TBC1D16: variants seen among roughly 807,000 people sequenced by gnomAD.
The protein encoded by TBC1D16 is TBC1 domain family member 16, also known as CTD-2529O21.1.
Under a neutral mutation model 74.7 loss-of-function variants are expected in TBC1D16, and 58 were observed. That is an observed-to-expected ratio of 0.78 (90% confidence interval 0.63 to 0.97). The LOEUF (loss-of-function observed/expected upper bound fraction) is 0.97, where lower values mean the gene tolerates loss of function less well. Among genes scored for constraint, TBC1D16 ranks in the 50% least tolerant of loss-of-function variants. The probability of loss-of-function intolerance (pLI) is 0.00; values close to 1 mark genes in which losing one functional copy is unlikely to be tolerated. For synonymous variants in TBC1D16, 493 were observed against 474.7 expected (o/e 1.04, Z -0.50); for missense variants, 1,014 against 1,079.5 (o/e 0.94, Z 0.85).
intron 2 of TBC1D16, among the ~76,000 whole-genome samples, chr17:80,011,885 T>C (rs182997247): frequency 2.3e-3 from 354 of 151,978 alleles, no homozygotes; most frequent in African/African-American, 7.9e-3. Context: ...CAATCATCAG[T>C]GGCACTCATG....
intron 3 of TBC1D16, among the ~76,000 whole-genome samples, chr17:79,999,883 C>T (rs1210324646): frequency 1.3e-5 from 2 of 152,056 alleles, no homozygotes; most frequent in Non-Finnish European, 2.9e-5. Context: ...TCTTTTGTCT[C>T]TTTGGAAGCC....
rs1437705586 is a variant in TBC1D16 at position 80,035,735 on chromosome 17, G to C, written c.-63+60C>G. ...CAGCTCCGCCGAGGGGGCGCTGCTC[G>C]CTGCGCGGTGGACCCCTCGGACCCC... On this transcript the variant is annotated intron_variant, in intron 1 of 11. Coordinates refer to ENST00000310924, the MANE Select transcript of TBC1D16 (RefSeq NM_019020.4). This position sits in a 1 kb window ranked among gnomAD's most constrained non-coding sequence, Gnocchi z 5.3. 6.8e-6 allele frequency: 1 copy of C among 147,300 alleles called. No individual in the cohort carries two copies. The highest frequency in any genetic ancestry group is 1.5e-5 in the Non-Finnish European group (1 of 66,118). The allele number at this position is 147,300 out of a possible 1,614,324, so 9.1% of individuals were successfully genotyped here.
intron 2 of TBC1D16, among the ~76,000 whole-genome samples, chr17:80,012,736 G>C (rs2035939907): frequency 6.6e-6 from 1 of 152,150 alleles, no homozygotes; most frequent in Non-Finnish European, 1.5e-5. Context: ...TTGCCATCTT[G>C]TCTGGGACTT....
Position 79,949,730 on chromosome 17 carries a change from T to A in TBC1D16, c.1393A>T (p.Ile465Phe). Residue 465 changes from isoleucine (I) to phenylalanine (F), a missense_variant, in exon 7 of 12, where the codon ATC (isoleucine) becomes TTC (phenylalanine). Transcript: ENST00000310924. Reference protein sequence around the residue: ...RLQKRKEYSEIQQKRLSMTPE... With the variant: ...RLQKRKEYSEFQQKRLSMTPE... ...CCCGGCGGTTACCTTTTCTGCTGGA[T>A]CTCAGAGTACTCCTTTCGCTTCTGC... The A allele has an allele frequency of 6.2e-7, 1 of 1,611,592 alleles. No individual in the cohort carries two copies. The highest frequency in any genetic ancestry group is 1.1e-5 in the South Asian group (1 of 91,038).
rs1447320002 is a variant in TBC1D16 at position 79,944,220 on chromosome 17, T to C, written c.1908+688A>G. The C allele has an allele frequency of 2.2e-6, 3 of 1,390,678 alleles. No homozygotes were observed. Among genetic ancestry groups the C allele is most frequent in the Non-Finnish European group, 2.9e-6 (3 of 1,018,934 alleles). The allele number at this position is 1,390,678 out of a possible 1,614,324, so 86.1% of individuals were successfully genotyped here. A position where few individuals can be genotyped will look rare whatever the true frequency, so the allele number is the denominator to read the frequency against. ...AGGCTGCTGGAGCTGCCGTGGTGGA[T>C]AGAGCCAGCTCCTGCAAAAGGGTCC... On this transcript the variant is annotated intron_variant, in intron 10 of 11. Coordinates refer to ENST00000310924, the MANE Select transcript of TBC1D16 (RefSeq NM_019020.4). This position sits in a 1 kb window ranked among gnomAD's most constrained non-coding sequence, Gnocchi z 7.7.
At chr17:80,005,463 C>T (rs555160561) in intron 3 of TBC1D16, among the ~76,000 whole-genome samples, 4 of 152,306 alleles carry the variant, frequency 2.6e-5, no homozygotes, top group African/African-American at 7.2e-5. Flanking sequence ...TGACCAGTCG[C>T]GCTTGGTGGT....
At position 79,987,641 on chromosome 17, in the gene TBC1D16, G is replaced by A. The variant is rs192505934; in HGVS notation, c.779+22519C>T. Among the ~76,000 whole-genome samples, 626 of 152,268 alleles carry A rather than the reference G, an allele frequency of 4.1e-3. 9 individuals carry two copies. Among genetic ancestry groups the A allele is most frequent in the African/African-American group, 0.014 (601 of 41,538 alleles). ...GAAGGTGGGGATGGGGGTAGGGAATGTCCCCATGAAGGTAGCCCCTGGCTG... is the reference window on the plus strand; with the variant it reads ...GAAGGTGGGGATGGGGGTAGGGAATATCCCCATGAAGGTAGCCCCTGGCTG... On this transcript the variant is annotated intron_variant, in intron 3 of 11. Transcript: ENST00000310924. This position sits in a 1 kb window ranked among gnomAD's most constrained non-coding sequence, Gnocchi z 5.2.
intron 3 of TBC1D16, chr17:79,992,715 A>G (rs2035118401): frequency 7.2e-5 from 11 of 152,182 alleles, no homozygotes; most frequent in Admixed American, 7.2e-4. Context: ...CGGTGACCAC[A>G]TATCTGCCAC....
In TBC1D16 at chr17:79,986,417, C is replaced by A. The variant is rs149641377; in HGVS notation, c.779+23743G>T. Among the ~76,000 whole-genome samples, 11 of 152,338 alleles carry A rather than the reference C, an allele frequency of 7.2e-5. No homozygotes were observed. The East Asian group carries it at 2.1e-3, about 29-fold the overall frequency. Reference sequence around the variant, plus strand: ...CAAAGCAAAGCTCAAGAGTGGATTCCTCAGTGCAGTATCGTCAGCGTTGCA... The same window carrying A: ...CAAAGCAAAGCTCAAGAGTGGATTCATCAGTGCAGTATCGTCAGCGTTGCA... On this transcript the variant is annotated intron_variant, in intron 3 of 11. Transcript: ENST00000310924. This position sits in a 1 kb window ranked among gnomAD's most constrained non-coding sequence, Gnocchi z 6.0.
rs888409491 is a variant in TBC1D16 at position 79,983,150 on chromosome 17, G to A, written c.779+27010C>T. On this transcript the variant is annotated intron_variant, in intron 3 of 11. Coordinates refer to ENST00000310924, the MANE Select transcript of TBC1D16 (RefSeq NM_019020.4). This position sits in a 1 kb window ranked among gnomAD's most constrained non-coding sequence, Gnocchi z 5.6. ...GGGGCATGGGCAAGTGAAATGCTAC[G>A]TCCCTCACCAACAGGCCGCTGTGCA... 1.3e-5 allele frequency among the ~76,000 whole-genome samples: 2 copies of A among 152,210 alleles called. No homozygotes were observed. Among genetic ancestry groups the A allele is most frequent in the South Asian group, 2.1e-4 (1 of 4,834 alleles).
intron 9 of TBC1D16, among the ~76,000 whole-genome samples, chr17:79,945,553 G>T (rs2032456313): frequency 6.6e-6 from 1 of 152,164 alleles, no homozygotes. Flanking sequence ...GGACGTATCT[G>T]AGCCCCAGGA....
In TBC1D16 at chr17:80,019,446, C is replaced by CA. The variant is rs566906149; in HGVS notation, c.-62-5838_-62-5837insT. ...ACCTGGGACACCAGGACAACCCCCC[C>CA]CCGCCCCTCCCAGATTGTTCTGGAG... On this transcript the variant is annotated intron_variant, in intron 1 of 11. Transcript: ENST00000310924. 1.4e-3 allele frequency among the ~76,000 whole-genome samples: 203 copies of CA among 144,232 alleles called. 3 individuals are homozygous for CA. The highest frequency in any genetic ancestry group is 6.9e-3 in the Middle Eastern group (2 of 288). The allele number at this position is 144,232 out of a possible 152,430, so 94.6% of individuals were successfully genotyped here.
At position 80,001,236 on chromosome 17, in the gene TBC1D16, C is replaced by A. The variant is rs2035474492; in HGVS notation, c.779+8924G>T. 6.6e-6 allele frequency among the ~76,000 whole-genome samples: 1 copy of A among 152,234 alleles called. No homozygotes were observed. Reference sequence around the variant, plus strand: ...GGCCACTCTCTGGGTGCAGGCGGAGCAGCTGGTGGTGGCCACCTTGGCTTG... The same window carrying A: ...GGCCACTCTCTGGGTGCAGGCGGAGAAGCTGGTGGTGGCCACCTTGGCTTG... On this transcript the variant is annotated intron_variant, in intron 3 of 11. Coordinates refer to ENST00000310924, the MANE Select transcript of TBC1D16 (RefSeq NM_019020.4). This position sits in a 1 kb window ranked among gnomAD's most constrained non-coding sequence, Gnocchi z 5.8.
chr17:80,028,336 G>C (rs2036656707), intron 1 of TBC1D16, among the ~76,000 whole-genome samples: 1 of 152,124 alleles, frequency 6.6e-6, no homozygotes, highest in Admixed American at 6.5e-5. Flanking sequence ...TTCATGACCA[G>C]CCTGGCCAAC....
At chr17:80,033,484 C>G (rs1276389766) in intron 1 of TBC1D16, among the ~76,000 whole-genome samples, 1 of 151,966 alleles carries the variant, frequency 6.6e-6, no homozygotes, top group African/African-American at 2.4e-5. Context: ...GCTATCCTCC[C>G]ACCTCAGCCA....
Position 79,954,558 on chromosome 17 carries a change from C to T in TBC1D16, c.780-1740G>A, listed in dbSNP as rs914949758. Among the ~76,000 whole-genome samples the T allele has an allele frequency of 6.6e-6, 1 of 152,104 alleles. No homozygotes were observed. The highest frequency in any genetic ancestry group is 1.5e-5 in the Non-Finnish European group (1 of 67,992). On this transcript the variant is annotated intron_variant, in intron 3 of 11. Transcript: ENST00000310924. The surrounding 1 kb of genome is among the most constrained non-coding windows in gnomAD (Gnocchi z 5.5). ...TGAACTGCCGTGGCTGCGCCGCGGA[C>T]GGGCCCAGAAGACCGAGGGCTCCTG...
At chr17:79,963,172 G>A (rs1382030613) in intron 3 of TBC1D16, among the ~76,000 whole-genome samples, 3 of 150,962 alleles carry the variant, frequency 2.0e-5, no homozygotes, top group African/African-American at 7.3e-5. Flanking sequence ...AGCCGAGATT[G>A]TGCCACTGCA....
intron 3 of TBC1D16, among the ~76,000 whole-genome samples, chr17:79,958,185 G>C (rs1303062838): frequency 6.6e-6 from 1 of 151,298 alleles, no homozygotes; most frequent in African/African-American, 2.4e-5. Context: ...TTCTCATTCA[G>C]CTCAGGGGGA....
rs1193505262 is a variant in TBC1D16, at chr17:79,953,771, C to CT, written c.780-954dup. Among the ~76,000 whole-genome samples, 731 of 149,532 alleles carry CT rather than the reference C, an allele frequency of 4.9e-3. 4 individuals are homozygous for CT. Among genetic ancestry groups the CT allele is most frequent in the African/African-American group, 0.015 (630 of 40,746 alleles). ...GAGATTTTTTCTTTTTTTCTTTTTT[C>CT]TTTTTTTTTTCTTTTTTTGAGACGG... On this transcript the variant is annotated intron_variant, in intron 3 of 11. Coordinates refer to ENST00000310924, the MANE Select transcript of TBC1D16 (RefSeq NM_019020.4).
Sources: allele counts gnomAD v4.1 joint callset (sites outside exome capture counted in the v4.1 genomes callset), GRCh38; gene constraint gnomAD v4.1.1; non-coding constraint Gnocchi (gnomAD v3.1); transcripts MANE v1.5; gene names NCBI Gene and HGNC (gene_info 2026-07-23, HGNC 2026-07-21).